Variants in PDS5B observed in about 807,000 individuals in gnomAD.
The protein encoded by PDS5B is sister chromatid cohesion protein PDS5 homolog B.
Under a neutral mutation model 184.1 loss-of-function variants are expected in PDS5B, and 51 were observed. The ratio of observed to expected loss-of-function variants is 0.28; its 90% CI spans 0.22 to 0.35. PDS5B has a LOEUF of 0.35. Among genes scored for constraint, PDS5B ranks in the 10% least tolerant of loss-of-function variants. PDS5B has a pLI of 1.00. For missense variants in PDS5B, 1,180 were observed against 1,723.3 expected, an observed-to-expected ratio of 0.68 and a Z score of 5.58; for synonymous variants, 566 against 569.2, an observed-to-expected ratio of 0.99 and a Z score of 0.08.
At chr13:32,646,375 T>TG (rs1950226991) in intron 1 of PDS5B, among the ~76,000 whole-genome samples, 1 of 56,904 alleles carries the variant, frequency 1.8e-5, no homozygotes, top group Admixed American at 1.7e-4. Flanking sequence ...CTGTGTTTTT[T>TG]TTTTTTTTTT....
chr13:32,631,815 T>C (rs896018956), intron 1 of PDS5B, among the ~76,000 whole-genome samples: 11 of 152,180 alleles, frequency 7.2e-5, no homozygotes, highest in African/African-American at 2.4e-4. Context: ...GCACCTGAAG[T>C]TGTGTTCTAA....
intron 13 of PDS5B, 96 bp from the exon 14 acceptor site, chr13:32,694,127 C>T: frequency 1.2e-6 from 1 of 813,388 alleles, no homozygotes; most frequent in South Asian, 1.6e-5. Flanking sequence ...CTGTCATCTC[C>T]TTTTATAATT....
intron 6 of PDS5B, among the ~76,000 whole-genome samples, chr13:32,665,682 C>T (rs965211222): frequency 9.3e-5 from 14 of 150,218 alleles, no homozygotes; most frequent in South Asian, 4.2e-4. Flanking sequence ...AGAGCAAAGC[C>T]GTATGAGAAC....
chr13:32,723,150 A>G (rs576597895), intron 19 of PDS5B, among the ~76,000 whole-genome samples: 1 of 152,110 alleles, frequency 6.6e-6, no homozygotes, highest in South Asian at 2.1e-4. Context: ...TGACTGTTAA[A>G]AAGAATAGTG....
intron 3 of PDS5B, among the ~76,000 whole-genome samples, chr13:32,657,913 A>G (rs1318351274): frequency 1.3e-5 from 2 of 152,300 alleles, no homozygotes; most frequent in East Asian, 3.9e-4. Context: ...CAGTCATTGC[A>G]ACATTTTTTA....
chr13:32,756,077 G>C (rs1954166290), intron 26 of PDS5B, 121 bp downstream of exon 26: 1 of 549,716 alleles, frequency 1.8e-6, no homozygotes, highest in Admixed American at 3.7e-5. Flanking sequence ...GGTGTTTAAG[G>C]TTCTTTATTT....
At chr13:32,684,135 G>A (rs183981113) in intron 11 of PDS5B, 112 bp downstream of exon 11, 1 of 432,546 alleles carries the variant, frequency 2.3e-6, no homozygotes, top group Non-Finnish European at 4.0e-6. Flanking sequence ...GCCTTTTTTA[G>A]GGGTATGGAG....
chr13:32,704,796 C>A (rs1158423237), intron 17 of PDS5B, among the ~76,000 whole-genome samples: 1 of 152,108 alleles, frequency 6.6e-6, no homozygotes, highest in Non-Finnish European at 1.5e-5. Flanking sequence ...GGAATCTTGT[C>A]CCATACCAAA....
chr13:32,586,585 A>C lies in PDS5B; in HGVS notation c.-28A>C, dbSNP rs547050719. 5.9e-5 allele frequency: 9 copies of C among 151,996 alleles called. No individual in the cohort carries two copies. The highest frequency in any genetic ancestry group is 2.0e-4 in the East Asian group (1 of 5,062). The allele number at this position is 151,996 out of a possible 1,614,324, so 9.4% of individuals were successfully genotyped here. A position where few individuals can be genotyped will look rare whatever the true frequency, so the allele number is the denominator to read the frequency against. ...GGAGTGAGCGGAGTAGCGAGTCGGCAACCCGGAGGTAGGAAACAATTCAGT... is the reference window on the plus strand; with the variant it reads ...GGAGTGAGCGGAGTAGCGAGTCGGCCACCCGGAGGTAGGAAACAATTCAGT... On this transcript the variant is annotated 5_prime_UTR_variant, in exon 1 of 35. Transcript: ENST00000315596.
chr13:32,686,915 C>T (rs1951410480), intron 11 of PDS5B, among the ~76,000 whole-genome samples: 1 of 151,956 alleles, frequency 6.6e-6, no homozygotes, highest in Admixed American at 6.6e-5. Flanking sequence ...AAGTTCTTTA[C>T]ACATGTTGAT....
At chr13:32,613,918 G>T (rs2058180587) in intron 1 of PDS5B, among the ~76,000 whole-genome samples, 2 of 152,110 alleles carry the variant, frequency 1.3e-5, no homozygotes, top group South Asian at 4.1e-4. Flanking sequence ...TTTGTATATG[G>T]TATGAAGTAG....
At chr13:32,713,812 G>T (rs1952281381) in intron 19 of PDS5B, among the ~76,000 whole-genome samples, 1 of 152,074 alleles carries the variant, frequency 6.6e-6, no homozygotes, top group African/African-American at 2.4e-5. Flanking sequence ...ACTCATTTTT[G>T]GAAAATATAC....
chr13:32,589,857 C>T (rs2057747614), intron 1 of PDS5B, among the ~76,000 whole-genome samples: 1 of 152,152 alleles, frequency 6.6e-6, no homozygotes, highest in African/African-American at 2.4e-5. Flanking sequence ...GTAAGAAGCC[C>T]TTTCCTCACA....
At chr13:32,760,838 A>C in intron 30 of PDS5B, 118 bp downstream of exon 30, 1 of 967,682 alleles carries the variant, frequency 1.0e-6, no homozygotes, top group African/African-American at 1.7e-5. Flanking sequence ...GTATTACTTA[A>C]TTTTTCCATT....
chr13:32,740,985 T>C, intron 21 of PDS5B, 95 bp from the exon 22 acceptor site: 1 of 728,892 alleles, frequency 1.4e-6, no homozygotes, highest in Admixed American at 2.3e-5. Context: ...CTGCAGAAGG[T>C]ACAGATTTCA....
chr13:32,735,931 A>C (rs534233244), intron 21 of PDS5B, among the ~76,000 whole-genome samples: 7 of 152,192 alleles, frequency 4.6e-5, no homozygotes, highest in African/African-American at 1.4e-4. Flanking sequence ...TTGTCCTGTC[A>C]GTTGTGTATT....
intron 6 of PDS5B, among the ~76,000 whole-genome samples, chr13:32,662,896 A>C (rs191777292): frequency 1.6e-4 from 24 of 152,268 alleles, no homozygotes; most frequent in Admixed American, 1.4e-3. Flanking sequence ...ACAGTTTTAG[A>C]ATGAAATGAG....
In PDS5B at chr13:32,718,190, G is replaced by A. The variant is rs192985871; in HGVS notation, c.2123+8084G>A. Among the ~76,000 whole-genome samples the A allele has an allele frequency of 8.5e-4, 128 of 149,856 alleles. 1 individual carries two copies. The East Asian group carries it at 0.017, about 20-fold the overall frequency. On this transcript the variant is annotated intron_variant, in intron 19 of 34. Coordinates refer to ENST00000315596, the MANE Select transcript of PDS5B (RefSeq NM_015032.4). ...TTTTGAGACGGAGTCTCGCTCTGTC[G>A]CCCAGGCTGGAGGGCAGTGGCATGA...
chr13:32,646,283 A>G (rs750255240), intron 1 of PDS5B, among the ~76,000 whole-genome samples: 1 of 151,776 alleles, frequency 6.6e-6, no homozygotes, highest in African/African-American at 2.4e-5. Context: ...CTGGGATTAC[A>G]GATGTGAACC....
Sources: gnomAD v4.1 joint callset for allele counts (sites outside exome capture counted in the v4.1 genomes callset) on GRCh38, gnomAD v4.1.1 for gene constraint, MANE v1.5 for transcripts, NCBI Gene and HGNC (gene_info 2026-07-23, HGNC 2026-07-21) for gene names.